The following RAD51AP1 variants were observed in gnomAD, a reference collection of about 807,000 sequenced individuals.
RAD51AP1 encodes RAD51-associated protein 1.
A neutral mutation model predicts 34.3 loss-of-function variants in RAD51AP1; 14 were observed. That is an observed-to-expected ratio of 0.41 (90% confidence interval 0.27 to 0.64). The LOEUF is 0.64. RAD51AP1 is among the 30% of genes least tolerant of loss of function. The probability of loss-of-function intolerance (pLI) is 0.33; values close to 1 mark genes in which losing one functional copy is unlikely to be tolerated. For missense variants in RAD51AP1, 348 were observed against 386.9 expected (o/e 0.90, Z 0.84); for synonymous variants, 114 against 129.8 (o/e 0.88, Z 0.83).
intron 6 of RAD51AP1, among the ~76,000 whole-genome samples, chr12:4,549,477 C>T (rs915418620): frequency 2.6e-5 from 4 of 152,182 alleles, no homozygotes; most frequent in South Asian, 2.1e-4. Flanking sequence ...ATTTGCTCAT[C>T]GTCACTTATT....
At chr12:4,540,464 T>A (rs1565522909) in intron 1 of RAD51AP1, among the ~76,000 whole-genome samples, 1 of 151,312 alleles carries the variant, frequency 6.6e-6, no homozygotes, top group East Asian at 1.9e-4. Context: ...GTGACCCCGA[T>A]AAAACTGCTG....
At chr12:4,544,041 G>A in intron 3 of RAD51AP1, 137 bp downstream of exon 3, 1 of 606,588 alleles carries the variant, frequency 1.6e-6, no homozygotes, top group South Asian at 4.1e-5. Context: ...TCAGAAAACA[G>A]GACGTACTAT....
chr12:4,559,708 T>C lies in RAD51AP1; in HGVS notation c.*715T>C, dbSNP rs192879431. The C allele has an allele frequency of 6.4e-4, 98 of 152,364 alleles. No individual in the cohort carries two copies. The highest frequency in any genetic ancestry group is 2.2e-3 in the African/African-American group (91 of 41,588). 9.4% of individuals were successfully genotyped at this position (152,364 alleles called of 1,614,324 possible). On this transcript the variant is annotated 3_prime_UTR_variant, in exon 9 of 9. Transcript: ENST00000352618. ...AAAATGAGAGCTCCGCAGAGAATGT[T>C]AGCCTTTCTGTTGTAAATGTAATCT...
intron 4 of RAD51AP1, among the ~76,000 whole-genome samples, chr12:4,546,660 A>G (rs868595802): frequency 1.2e-4 from 18 of 152,242 alleles, no homozygotes; most frequent in Admixed American, 6.5e-5. Context: ...TGTGAGCCTC[A>G]GTGTTCGAAT....
At chr12:4,551,298 C>G (rs1244126800) in intron 6 of RAD51AP1, among the ~76,000 whole-genome samples, 2 of 151,870 alleles carry the variant, frequency 1.3e-5, no homozygotes, top group Non-Finnish European at 2.9e-5. Flanking sequence ...GAGTTCGAGA[C>G]CAGCCTGGCC....
chr12:4,552,194 G>T (rs771241686), intron 6 of RAD51AP1, among the ~76,000 whole-genome samples: 34 of 151,984 alleles, frequency 2.2e-4, no homozygotes, highest in Non-Finnish European at 4.6e-4. Flanking sequence ...ATTAATATAG[G>T]ACTAACCCTA....
chr12:4,547,982 T>C (rs916655305), intron 4 of RAD51AP1, 110 bp from the exon 5 acceptor site: 2 of 1,122,662 alleles, frequency 1.8e-6, no homozygotes, highest in African/African-American at 1.7e-5. Context: ...AGTTGGAGTT[T>C]GGGATCATTT....
In RAD51AP1 at chr12:4,545,773, T is replaced by C. The variant is rs2907493; in HGVS notation, c.210-536T>C. On this transcript the variant is annotated intron_variant, in intron 3 of 8. Transcript: ENST00000352618. The stretch of plus-strand genomic sequence containing the variant: ...GTCTTGTTTCCCCACCCTCCTCCTT[T>C]AATTGCAGACTCCCTGAAGGTACTT... 3.2e-3 allele frequency: 5,133 copies of C among 1,612,842 alleles called. 128 individuals are homozygous for C. In the African/African-American group the frequency reaches 0.056, roughly 18 times the overall value.
chr12:4,556,664 C>G, intron 8 of RAD51AP1, 162 bp downstream of exon 8: 2 of 731,030 alleles, frequency 2.7e-6, no homozygotes. Flanking sequence ...TTAACCATTC[C>G]TTATTATTGG....
intron 3 of RAD51AP1, chr12:4,545,078 T>G (rs918904574): frequency 3.1e-6 from 1 of 320,660 alleles, no homozygotes; most frequent in Non-Finnish European, 6.2e-6. Flanking sequence ...TGAAAACATA[T>G]GCCCACACAA....
intron 6 of RAD51AP1, 84 bp from the exon 7 acceptor site, chr12:4,552,899 G>C: frequency 7.8e-7 from 1 of 1,285,486 alleles, no homozygotes; most frequent in Non-Finnish European, 1.1e-6. Context: ...AGGTGCATAA[G>C]AATCTGAAAG....
rs577230667 is a variant in RAD51AP1, at chr12:4,558,576, C to G, written c.872-281C>G. ...TTATAATTATATGCATTTTTGTATGCCTTTACAACTAGCATTATTTGTTCC... is the reference window on the plus strand; with the variant it reads ...TTATAATTATATGCATTTTTGTATGGCTTTACAACTAGCATTATTTGTTCC... On this transcript the variant is annotated intron_variant, in intron 8 of 8. Coordinates refer to ENST00000352618, the MANE Select transcript of RAD51AP1 (RefSeq NM_006479.5). Among the ~76,000 whole-genome samples, 56 of 152,132 alleles carry G rather than the reference C, an allele frequency of 3.7e-4. No individual in the cohort carries two copies. In the South Asian group the frequency reaches 4.4e-3, roughly 12 times the overall value.
chr12:4,539,226 C>G (rs1167299567), intron 1 of RAD51AP1, among the ~76,000 whole-genome samples: 2 of 152,148 alleles, frequency 1.3e-5, no homozygotes, highest in African/African-American at 4.8e-5. Context: ...TACATTTCAC[C>G]GAGCGCCCAA....
rs1320860341 is a variant in RAD51AP1 at position 4,548,776 on chromosome 12, A to G, written c.496A>G (p.Ile166Val). 2 of 1,614,120 alleles carry G rather than the reference A, an allele frequency of 1.2e-6. No individual in the cohort carries two copies. Among genetic ancestry groups the G allele is most frequent in the South Asian group, 1.1e-5 (1 of 91,082 alleles). Residue 166 changes from isoleucine to valine, a missense_variant, in exon 6 of 9, where the codon ATT becomes GTT. Transcript: ENST00000352618. ...ASKAAAQQRKILLEGSDGDSA... is the reference protein window; with the variant it reads ...ASKAAAQQRKVLLEGSDGDSA... ...TAAAGCTGCAGCACAGCAGAGGAAG[A>G]TTCTTCTGGAAGGCAGTGATGGTGA... is the stretch of plus-strand genomic sequence containing the variant.
rs1358254492 is a variant in RAD51AP1 at position 4,559,501 on chromosome 12, A to C, written c.*508A>C. ...AACTTAGAATTATTTTACACACTAA[A>C]ATGGTTGCAGTTTTATGGCATATGT... On this transcript the variant is annotated 3_prime_UTR_variant, in exon 9 of 9. Coordinates refer to ENST00000352618, the MANE Select transcript of RAD51AP1 (RefSeq NM_006479.5). 6.6e-6 allele frequency: 1 copy of C among 152,272 alleles called. No homozygotes were observed. Among genetic ancestry groups the C allele is most frequent in the Non-Finnish European group, 1.5e-5 (1 of 68,060 alleles). 9.4% of individuals were successfully genotyped at this position (152,272 alleles called of 1,614,324 possible). A position where few individuals can be genotyped will look rare whatever the true frequency, so the allele number is the denominator to read the frequency against.
intron 6 of RAD51AP1, among the ~76,000 whole-genome samples, chr12:4,549,377 T>A (rs1944529897): frequency 6.6e-6 from 1 of 152,204 alleles, no homozygotes; most frequent in Admixed American, 6.5e-5. Flanking sequence ...AACATATTAA[T>A]TAAAAATTTA....
At position 4,554,183 on chromosome 12, in the gene RAD51AP1, C is replaced by T. The variant is rs537999354; in HGVS notation, c.721+1036C>T. ...TGTGGAGGCTCTAGGAGACAAACCA[C>T]GTTCTTGTCTTTTCTAGCTCCTTGA... On this transcript the variant is annotated intron_variant, in intron 7 of 8. Transcript: ENST00000352618. 1.1e-4 allele frequency among the ~76,000 whole-genome samples: 16 copies of T among 152,262 alleles called. No individual in the cohort carries two copies. The South Asian group carries it at 2.3e-3, about 22-fold the overall frequency.
intron 3 of RAD51AP1, chr12:4,545,861 G>C (rs1944502374): frequency 1.3e-6 from 2 of 1,597,548 alleles, no homozygotes; most frequent in Non-Finnish European, 1.7e-6. Context: ...ATTTGTTAAA[G>C]TCTGGATTGG....
chr12:4,547,200 C>T (rs1180174392), intron 4 of RAD51AP1, among the ~76,000 whole-genome samples: 4 of 151,912 alleles, frequency 2.6e-5, no homozygotes, highest in East Asian at 1.9e-4. Context: ...CCTGAGTAGC[C>T]GGGACTACAG....
Sources: allele counts gnomAD v4.1 joint callset (sites outside exome capture counted in the v4.1 genomes callset), GRCh38; gene constraint gnomAD v4.1.1; transcripts MANE v1.5; gene names NCBI Gene and HGNC (gene_info 2026-07-23, HGNC 2026-07-21).